Variants in THSD1 observed in about 807,000 individuals in gnomAD.
The protein encoded by THSD1 is thrombospondin type 1 domain containing 1, also known as thrombospondin type-1 domain-containing protein 1.
THSD1 carries 34 observed loss-of-function variants against 46.3 expected under a neutral mutation model. That is an observed-to-expected ratio of 0.74 (90% CI 0.56 to 0.98). THSD1 has a LOEUF of 0.98. Among genes scored for constraint, THSD1 ranks in the 50% least tolerant of loss-of-function variants. The probability of loss-of-function intolerance (pLI) is 0.00; values close to 1 mark genes in which losing one functional copy is unlikely to be tolerated. For missense variants in THSD1, 1,023 were observed against 1,058.3 expected (o/e 0.97, Z 0.46); for synonymous variants, 407 against 416.5 (o/e 0.98, Z 0.28).
chr13:52,382,681 C>A (rs1957702044), intron 4 of THSD1, among the ~76,000 whole-genome samples: 1 of 152,176 alleles, frequency 6.6e-6, no homozygotes, highest in South Asian at 2.1e-4. Context: ...CTGAGGGACA[C>A]CTCAGCTTCC....
At chr13:52,398,316 G>C (rs1169568235) in intron 2 of THSD1, 122 bp from the exon 3 acceptor site, 4 of 1,453,548 alleles carry the variant, frequency 2.8e-6, no homozygotes, top group Non-Finnish European at 3.7e-6. Flanking sequence ...TGTCACCGAG[G>C]CTAGAGTGCA....
chr13:52,396,332 G>A (rs983630165), intron 3 of THSD1, among the ~76,000 whole-genome samples: 1 of 152,074 alleles, frequency 6.6e-6, no homozygotes, highest in Admixed American at 6.5e-5. Context: ...GACCATCCTG[G>A]CTAACACAGT....
intron 2 of THSD1, among the ~76,000 whole-genome samples, chr13:52,400,982 G>A (rs1264434168): frequency 1.3e-5 from 2 of 152,022 alleles, no homozygotes; most frequent in African/African-American, 4.8e-5. Context: ...TTTTTTGTTT[G>A]TTTGTTTTTG....
Position 52,378,520 on chromosome 13 carries a change from C to T in THSD1, c.1450G>A (p.Gly484Arg), listed in dbSNP as rs145028153. Residue 484 changes from glycine (G) to arginine (R), a missense_variant, in exon 5 of 5, where the codon GGG becomes AGG. Physicochemically the swap from Gly to Arg is moderately radical, Grantham distance 125 (BLOSUM62 -2). Around this residue, in one of 3 missense-constraint regions of THSD1, gnomAD observed 578 missense variants for 497.4 expected, o/e 1.16. Coordinates refer to ENST00000258613, the MANE Select transcript of THSD1 (RefSeq NM_018676.4). ...QRGSFSDGGDGPTGSPGDTGI... is the reference protein window; with the variant it reads ...QRGSFSDGGDRPTGSPGDTGI... Reference sequence around the variant, plus strand: ...GTGTCCCCTGGACTCCCCGTGGGCCCGTCTCCCCCATCCGAGAAGCTCCCG... The same window carrying T: ...GTGTCCCCTGGACTCCCCGTGGGCCTGTCTCCCCCATCCGAGAAGCTCCCG... 2.5e-6 allele frequency: 4 copies of T among 1,614,034 alleles called. No individual in the cohort carries two copies. In the African/African-American group the frequency reaches 4.0e-5, roughly 16 times the overall value.
rs1398508884 is a variant in THSD1 at position 52,398,164 on chromosome 13, C to T, written c.89G>A (p.Arg30Lys). 6.2e-7 allele frequency: 1 copy of T among 1,613,732 alleles called. No individual in the cohort carries two copies. Among genetic ancestry groups the T allele is most frequent in the Admixed American group, 1.7e-5 (1 of 60,004 alleles). The stretch of plus-strand genomic sequence containing the variant: ...GCTTAGTGCTACATGGCCTGGCTCT[C>T]TCAAGAGAAGATATTCAGCTTCTCC... ...VLGEAEYLLLREPGHVALSND... is the reference protein window; with the variant it reads ...VLGEAEYLLLKEPGHVALSND... The change falls in exon 3 of 5, where the codon AGA becomes AAA. Residue 30 changes from arginine (R) to lysine (K), a missense_variant. Physicochemically the swap from Arg to Lys is conservative, Grantham distance 26. Coordinates refer to ENST00000258613, the MANE Select transcript of THSD1 (RefSeq NM_018676.4).
intron 3 of THSD1, among the ~76,000 whole-genome samples, chr13:52,388,024 C>T (rs1012302284): frequency 6.6e-6 from 1 of 151,842 alleles, no homozygotes; most frequent in Non-Finnish European, 1.5e-5. Context: ...CAAAACCAAA[C>T]CAAAAAGTTT....
intron 4 of THSD1, chr13:52,384,184 CAAAAA>C (rs754288122): frequency 2.6e-3 from 426 of 161,928 alleles, no homozygotes; most frequent in South Asian, 4.4e-3. Context: ...AACTCCGTCT[CAAAAA>C]AAAAAAAAAA....
chr13:52,388,080 T>A (rs961257982), intron 3 of THSD1, among the ~76,000 whole-genome samples: 1 of 151,696 alleles, frequency 6.6e-6, no homozygotes, highest in East Asian at 1.9e-4. Context: ...CAGAGAAGAA[T>A]GACAATAAGA....
At chr13:52,403,035 T>C in intron 1 of THSD1, 1 of 793,352 alleles carries the variant, frequency 1.3e-6, no homozygotes, top group Non-Finnish European at 1.5e-6. Flanking sequence ...ACATTATTTA[T>C]CTGCTTGGCA....
chr13:52,379,323 C>T (rs1283370984), intron 4 of THSD1, among the ~76,000 whole-genome samples: 1 of 152,156 alleles, frequency 6.6e-6, no homozygotes, highest in African/African-American at 2.4e-5. Context: ...CAAACAAGAT[C>T]ACCAAAGGGG....
intron 3 of THSD1, 50 bp downstream of exon 3, chr13:52,397,182 G>C (rs1957818260): frequency 6.9e-7 from 1 of 1,440,762 alleles, no homozygotes; most frequent in Non-Finnish European, 9.4e-7. Flanking sequence ...AAATAATTTT[G>C]ATTACATGAA....
At chr13:52,404,195 C>T (rs544124244) in intron 1 of THSD1, among the ~76,000 whole-genome samples, 91 of 152,218 alleles carry the variant, frequency 6.0e-4, no homozygotes, top group African/African-American at 2.1e-3. Context: ...ATCTGCCCAC[C>T]ATGGCCTCCC....
chr13:52,378,089 CT>C lies in THSD1; in HGVS notation c.1880del (p.Lys627SerfsTer47). 1 of 1,614,220 alleles carries C rather than the reference CT, an allele frequency of 6.2e-7. No individual in the cohort carries two copies. The highest frequency in any genetic ancestry group is 8.5e-7 in the Non-Finnish European group (1 of 1,180,040). ...AISPSQTLIRKSQARHVGSRG... is the reference protein window; with the variant it reads ...AISPSQTLIRXSQARHVGSRG... ...TGCTGCCCACGTGCCTTGCCTGTGACTTGCGGATCAGAGTCTGGCTGGGGCT... is the reference window on the plus strand; with the variant it reads ...TGCTGCCCACGTGCCTTGCCTGTGACTGCGGATCAGAGTCTGGCTGGGGCT... On this transcript the variant is annotated frameshift_variant, in exon 5 of 5. Transcript: ENST00000258613. LOFTEE classifies it high-confidence loss of function.
chr13:52,401,559 A>G (rs775248478), intron 2 of THSD1, among the ~76,000 whole-genome samples: 1 of 152,142 alleles, frequency 6.6e-6, no homozygotes, highest in Non-Finnish European at 1.5e-5. Flanking sequence ...CCGGCCTCCC[A>G]AAGTGCTGGG....
At chr13:52,405,605 C>CA (rs1299414909) in intron 1 of THSD1, among the ~76,000 whole-genome samples, 18 of 152,220 alleles carry the variant, frequency 1.2e-4, no homozygotes, top group Non-Finnish European at 7.3e-5. Flanking sequence ...AAGCCCAGTT[C>CA]ACGCCTGGAA....
rs1470752069 is a variant in THSD1 at position 52,377,966 on chromosome 13, C to T, written c.2004G>A (p.Arg668=). The change falls in exon 5 of 5, where the codon AGG becomes AGA. Residue 668 remains arginine (R), a synonymous_variant. Coordinates refer to ENST00000258613, the MANE Select transcript of THSD1 (RefSeq NM_018676.4). ...GCCGTGGAGTCAGAGTGGACATGCT[C>T]CTCTCTCGGAACGGCCGGGCCTGCC... ...EARQARPFRE[R]SMSTLTPRQA... is the part of the protein sequence containing the mutation. 2 of 1,614,156 alleles carry T rather than the reference C, an allele frequency of 1.2e-6. No homozygotes were observed. Among genetic ancestry groups the T allele is most frequent in the East Asian group, 2.2e-5 (1 of 44,860 alleles).
chr13:52,398,395 G>A lies in THSD1; in HGVS notation c.59-201C>T, dbSNP rs77819469. The A allele has an allele frequency of 2.8e-3, 1,794 of 650,776 alleles. 34 individuals are homozygous for A. The African/African-American group carries it at 0.032, about 12-fold the overall frequency. 40.3% of individuals were successfully genotyped at this position (650,776 alleles called of 1,614,324 possible). A position where few individuals can be genotyped will look rare whatever the true frequency, so the allele number is the denominator to read the frequency against. On this transcript the variant is annotated intron_variant, in intron 2 of 4. Transcript: ENST00000258613. Reference sequence around the variant, plus strand: ...AAGCGATCTCCCACCTCGCCCTCACGAATAGCTGGGACTACAGGCACATGC... The same window carrying A: ...AAGCGATCTCCCACCTCGCCCTCACAAATAGCTGGGACTACAGGCACATGC...
chr13:52,385,842 T>C (rs1957726774), intron 4 of THSD1, among the ~76,000 whole-genome samples, 186 bp downstream of exon 4: 1 of 152,230 alleles, frequency 6.6e-6, no homozygotes, highest in African/African-American at 2.4e-5. Flanking sequence ...GGTAAGCTAC[T>C]CTCCCAGCTA....
intron 3 of THSD1, among the ~76,000 whole-genome samples, chr13:52,387,450 G>GA (rs1434382343): frequency 4.0e-5 from 6 of 151,832 alleles, no homozygotes; most frequent in Non-Finnish European, 5.9e-5. Flanking sequence ...AAAAAGCAAG[G>GA]AAAAAAACCA....
Sources: gnomAD v4.1 joint callset for allele counts (sites outside exome capture counted in the v4.1 genomes callset) on GRCh38, gnomAD v4.1.1 for gene constraint, gnomAD v4.1.1 regional missense constraint, MANE v1.5 for transcripts, NCBI Gene and HGNC (gene_info 2026-07-23, HGNC 2026-07-21) for gene names.